The following MICAL3 variants were observed in gnomAD, a reference collection of about 807,000 sequenced individuals.
MICAL3 encodes the protein [F-actin]-monooxygenase MICAL3.
A neutral mutation model predicts 207.4 loss-of-function variants in MICAL3; 62 were observed. The ratio of observed to expected loss-of-function variants is 0.30; its 90% CI spans 0.24 to 0.37. The LOEUF is 0.37. Ranked by LOEUF, MICAL3 falls within the 10% of genes least tolerant of loss-of-function variation. MICAL3 has a pLI of 1.00. For missense variants in MICAL3, 2,368 were observed against 2,635.6 expected, an observed-to-expected ratio of 0.90 and a Z score of 2.22; for synonymous variants, 1,077 against 1,069.3, an observed-to-expected ratio of 1.01 and a Z score of -0.14.
chr22:17,985,985 G>A (rs2146450256), intron 1 of MICAL3, among the ~76,000 whole-genome samples: 1 of 152,298 alleles, frequency 6.6e-6, no homozygotes, highest in Admixed American at 6.5e-5. Flanking sequence ...TCGGCTCACT[G>A]AAACCTCCGC....
At chr22:17,831,736 T>C in intron 21 of MICAL3, 118 bp downstream of exon 21, 1 of 1,460,462 alleles carries the variant, frequency 6.8e-7, no homozygotes, top group Non-Finnish European at 9.1e-7. Context: ...GGGTGGTCCC[T>C]GGGCTGTGCA....
intron 1 of MICAL3, among the ~76,000 whole-genome samples, chr22:17,943,195 C>T (rs912501342): frequency 6.6e-6 from 1 of 152,186 alleles, no homozygotes; most frequent in South Asian, 2.1e-4. Flanking sequence ...TGGAGTCTCG[C>T]TCTGTCACCC....
Position 17,984,438 on chromosome 22 carries a change from C to A in MICAL3, c.-75+39843G>T, listed in dbSNP as rs559650525. ...ATAAAGACACTGGTCCAAGATTACG[C>A]AGACACCGATGCAGAGCTGGAACAG... On this transcript the variant is annotated intron_variant, in intron 1 of 31. Transcript: ENST00000441493. Among the ~76,000 whole-genome samples the A allele has an allele frequency of 2.7e-4, 41 of 152,364 alleles. No individual in the cohort carries two copies. The South Asian group carries it at 8.3e-3, about 31-fold the overall frequency.
chr22:17,906,033 G>A (rs1931689716), intron 2 of MICAL3, among the ~76,000 whole-genome samples: 1 of 152,308 alleles, frequency 6.6e-6, no homozygotes, highest in African/African-American at 2.4e-5. Flanking sequence ...AAGAGGACAT[G>A]CCAAGAACCC....
At chr22:17,837,331 G>A (rs914617922) in intron 20 of MICAL3, among the ~76,000 whole-genome samples, 8 of 152,220 alleles carry the variant, frequency 5.3e-5, no homozygotes, top group Admixed American at 1.3e-4. Context: ...TCTCACTTTC[G>A]TGTTATTCTG....
chr22:17,800,908 C>T (rs532837135), intron 29 of MICAL3, among the ~76,000 whole-genome samples: 12 of 152,202 alleles, frequency 7.9e-5, no homozygotes, highest in South Asian at 4.1e-4. Flanking sequence ...GCATTGCCGT[C>T]GTCCTCACGG....
chr22:17,996,303 G>A (rs1222645628), intron 1 of MICAL3, among the ~76,000 whole-genome samples: 2 of 151,970 alleles, frequency 1.3e-5, no homozygotes, highest in African/African-American at 4.8e-5. Context: ...AATTAGCCGG[G>A]CATGGTGGCA....
At chr22:17,944,748 A>G (rs985620594) in intron 1 of MICAL3, among the ~76,000 whole-genome samples, 1 of 152,134 alleles carries the variant, frequency 6.6e-6, no homozygotes, top group Non-Finnish European at 1.5e-5. Flanking sequence ...AACTGAAAAT[A>G]GGGTACAACT....
intron 1 of MICAL3, among the ~76,000 whole-genome samples, chr22:17,971,885 C>T (rs1258164543): frequency 2.6e-5 from 4 of 152,162 alleles, no homozygotes; most frequent in East Asian, 1.9e-4. Context: ...ACACGTGCAC[C>T]GGCACAGGCG....
chr22:17,874,110 C>T (rs978683558), intron 16 of MICAL3, among the ~76,000 whole-genome samples: 3 of 152,236 alleles, frequency 2.0e-5, no homozygotes, highest in Non-Finnish European at 2.9e-5. Flanking sequence ...GCACACACGA[C>T]GAAGCCGTTC....
chr22:17,957,657 C>G (rs888810462), intron 1 of MICAL3, among the ~76,000 whole-genome samples: 1 of 141,730 alleles, frequency 7.1e-6, no homozygotes, highest in Admixed American at 7.6e-5. Context: ...TTGCAGTGAG[C>G]TGAGATCAAG....
chr22:17,914,619 A>G (rs1932361224), intron 1 of MICAL3, among the ~76,000 whole-genome samples: 1 of 152,272 alleles, frequency 6.6e-6, no homozygotes, highest in Non-Finnish European at 1.5e-5. Flanking sequence ...CCAGCTAGCA[A>G]TGGATATGCA....
rs1285244424 is a variant in MICAL3 at position 17,790,686 on chromosome 22, C to T, written c.*46G>A. On this transcript the variant is annotated 3_prime_UTR_variant, in exon 32 of 32. Coordinates refer to ENST00000441493, the MANE Select transcript of MICAL3 (RefSeq NM_015241.3). ...GCTCCGGGTGGTTTGGATGCCACTG[C>T]CTGGCCAGGCGGATGCCAACAGAAA... 2 of 1,526,184 alleles carry T rather than the reference C, an allele frequency of 1.3e-6. No homozygotes were observed. The highest frequency in any genetic ancestry group is 1.8e-6 in the Non-Finnish European group (2 of 1,128,768). The allele number at this position is 1,526,184 out of a possible 1,614,324, so 94.5% of individuals were successfully genotyped here. A position where few individuals can be genotyped will look rare whatever the true frequency, so the allele number is the denominator to read the frequency against.
chr22:17,915,048 T>C (rs1470779372), intron 1 of MICAL3, among the ~76,000 whole-genome samples: 1 of 151,976 alleles, frequency 6.6e-6, no homozygotes, highest in Non-Finnish European at 1.5e-5. Flanking sequence ...ATGAAAGGCC[T>C]CTGGGTGGGG....
chr22:17,979,788 A>AC (rs1935824092), intron 1 of MICAL3, among the ~76,000 whole-genome samples: 1 of 150,388 alleles, frequency 6.6e-6, no homozygotes, highest in African/African-American at 2.5e-5. Context: ...AAAAAACAAA[A>AC]AAAAACAAAA....
intron 19 of MICAL3, chr22:17,861,617 T>C: frequency 1.0e-6 from 1 of 985,472 alleles, no homozygotes; most frequent in South Asian, 4.7e-5. Flanking sequence ...GGGGATTTCC[T>C]TTCTCTGCCT....
intron 1 of MICAL3, among the ~76,000 whole-genome samples, chr22:17,979,814 T>G (rs1935826882): frequency 6.6e-6 from 1 of 151,594 alleles, no homozygotes. Flanking sequence ...ACCCACAGGT[T>G]TTTTTGTTGT....
intron 27 of MICAL3, chr22:17,815,802 G>C (rs1284856666): frequency 6.6e-6 from 1 of 152,404 alleles, no homozygotes; most frequent in Admixed American, 6.5e-5. Flanking sequence ...ACTGGATCAG[G>C]CTGCAGGAGC....
Position 17,936,575 on chromosome 22 carries a change from TAA to T in MICAL3, c.-74-29691_-74-29690del, listed in dbSNP as rs963851974. Among the ~76,000 whole-genome samples the T allele has an allele frequency of 1.3e-4, 18 of 134,848 alleles. 1 individual carries two copies. Among genetic ancestry groups the T allele is most frequent in the Admixed American group, 3.0e-4 (4 of 13,360 alleles). The allele number at this position is 134,848 out of a possible 152,430, so 88.5% of individuals were successfully genotyped here. A position where few individuals can be genotyped will look rare whatever the true frequency, so the allele number is the denominator to read the frequency against. On this transcript the variant is annotated intron_variant, in intron 1 of 31. Coordinates refer to ENST00000441493, the MANE Select transcript of MICAL3 (RefSeq NM_015241.3). ...TGTACCCTAGAACTTAAAGTATAAT[TAA>T]AAAAAAAAAAAAGAAACTTTCTGAG...
Sources: gnomAD v4.1 joint callset for allele counts (sites outside exome capture counted in the v4.1 genomes callset) on GRCh38, gnomAD v4.1.1 for gene constraint, MANE v1.5 for transcripts, NCBI Gene and HGNC (gene_info 2026-07-23, HGNC 2026-07-21) for gene names.